The following ADAMTS2 variants were observed in gnomAD, a reference collection of about 807,000 sequenced individuals.
ADAMTS2 encodes ADAM metallopeptidase with thrombospondin type 1 motif 2.
A neutral mutation model predicts 123.0 loss-of-function variants in ADAMTS2; 50 were observed. The observed-to-expected ratio is 0.41, with a 90% CI of 0.32 to 0.51. The LOEUF (loss-of-function observed/expected upper bound fraction) is 0.51, where lower values mean the gene tolerates loss of function less well. Ranked by LOEUF, ADAMTS2 falls within the 20% of genes least tolerant of loss-of-function variation. The pLI is 0.35. For synonymous variants in ADAMTS2, 678 were observed against 695.4 expected, an observed-to-expected ratio of 0.98 and a Z score of 0.39; for missense variants, 1,494 against 1,705.2, an observed-to-expected ratio of 0.88 and a Z score of 2.18.
At chr5:179,160,276 T>C (rs1731640769) in intron 5 of ADAMTS2, among the ~76,000 whole-genome samples, 1 of 152,130 alleles carries the variant, frequency 6.6e-6, no homozygotes, top group South Asian at 2.1e-4. Flanking sequence ...CTGGCCAACA[T>C]GGTGAAACCC....
At chr5:179,205,319 T>C (rs545398856) in intron 4 of ADAMTS2, among the ~76,000 whole-genome samples, 8 of 152,344 alleles carry the variant, frequency 5.3e-5, no homozygotes, top group South Asian at 2.1e-4. Flanking sequence ...AGTGCCACTG[T>C]CATGATAACA....
At chr5:179,326,283 T>C (rs1245565735) in intron 2 of ADAMTS2, among the ~76,000 whole-genome samples, 1 of 150,630 alleles carries the variant, frequency 6.6e-6, no homozygotes, top group Non-Finnish European at 1.5e-5. Flanking sequence ...CGGGAAGAGC[T>C]AGAGGACCCT....
intron 3 of ADAMTS2, among the ~76,000 whole-genome samples, chr5:179,248,057 CAT>C (rs1765844139): frequency 6.6e-6 from 1 of 152,100 alleles, no homozygotes; most frequent in African/African-American, 2.4e-5. Flanking sequence ...AATAGACACA[CAT>C]GTATGAAATG....
rs960223435 is a variant in ADAMTS2 at position 179,185,562 on chromosome 5, C to T, written c.892-4407G>A. Reference sequence around the variant, plus strand: ...TCATCTCAAGAAGGAATCTTGTGTCCTTCTGAACATTGAGCAGATCTAATC... The same window carrying T: ...TCATCTCAAGAAGGAATCTTGTGTCTTTCTGAACATTGAGCAGATCTAATC... On this transcript the variant is annotated intron_variant, in intron 4 of 21. Coordinates refer to ENST00000251582, the MANE Select transcript of ADAMTS2 (RefSeq NM_014244.5). This position sits in a 1 kb window ranked among gnomAD's most constrained non-coding sequence, Gnocchi z 5.9. 2.0e-5 allele frequency among the ~76,000 whole-genome samples: 3 copies of T among 152,152 alleles called. No homozygotes were observed.
rs866882440 is a variant in ADAMTS2 at position 179,343,840 on chromosome 5, C to T, written c.461G>A (p.Ser154Asn). ...GTTRVEPLLG[S>N]CLYVGDVAGL... is the part of the protein sequence containing the mutation. Reference sequence around the variant, plus strand: ...GGCCACGTCTCCGACGTAGAGACAGCTCCCGAGCAGGGGCTCCACGCGGGT... The same window carrying T: ...GGCCACGTCTCCGACGTAGAGACAGTTCCCGAGCAGGGGCTCCACGCGGGT... The change falls in exon 2 of 22, where the codon AGC becomes AAC. Residue 154 changes from serine (S) to asparagine (N), a missense_variant. Physicochemically the swap from Ser to Asn is conservative, Grantham distance 46. Coordinates refer to ENST00000251582, the MANE Select transcript of ADAMTS2 (RefSeq NM_014244.5). 1.8e-5 allele frequency: 29 copies of T among 1,605,624 alleles called. No homozygotes were observed. In the Middle Eastern group the frequency reaches 4.9e-4, roughly 27 times the overall value.
chr5:179,258,197 T>C (rs1003738661), intron 3 of ADAMTS2, among the ~76,000 whole-genome samples: 1 of 152,160 alleles, frequency 6.6e-6, no homozygotes, highest in South Asian at 2.1e-4. Context: ...CCCATGGCTG[T>C]GGGCTCTGAT....
rs535577973 is a variant in ADAMTS2, at chr5:179,294,169, T to C, written c.535-21105A>G. Among the ~76,000 whole-genome samples the C allele has an allele frequency of 2.6e-5, 4 of 152,068 alleles. No homozygotes were observed. In the South Asian group the frequency reaches 8.3e-4, roughly 32 times the overall value. On this transcript the variant is annotated intron_variant, in intron 2 of 21. Coordinates refer to ENST00000251582, the MANE Select transcript of ADAMTS2 (RefSeq NM_014244.5). ...TACTTGGGAGGCTGAGGTGGGAGAA[T>C]CACCTAAACCCTGAAGGTCCAAGCT...
At position 179,230,617 on chromosome 5, in the gene ADAMTS2, C is replaced by T. The variant is rs541300020; in HGVS notation, c.689-22902G>A. Among the ~76,000 whole-genome samples the T allele has an allele frequency of 1.1e-4, 17 of 152,340 alleles. No homozygotes were observed. In the South Asian group the frequency reaches 3.3e-3, roughly 30 times the overall value. ...GGATTTGGCTGGCACCACTGCACTGCGGTGTGTCTGCGTCTATACAGACTT... is the reference window on the plus strand; with the variant it reads ...GGATTTGGCTGGCACCACTGCACTGTGGTGTGTCTGCGTCTATACAGACTT... On this transcript the variant is annotated intron_variant, in intron 3 of 21. Transcript: ENST00000251582.
At chr5:179,145,795 G>A (rs1763240976) in intron 10 of ADAMTS2, among the ~76,000 whole-genome samples, 1 of 152,168 alleles carries the variant, frequency 6.6e-6, no homozygotes. Flanking sequence ...TGTTTGTTGT[G>A]ATGGCTGTAA....
rs1764057395 is a variant in ADAMTS2 at position 179,181,875 on chromosome 5, C to G, written c.892-720G>C. Among the ~76,000 whole-genome samples the G allele has an allele frequency of 6.6e-6, 1 of 152,142 alleles. No individual in the cohort carries two copies. Among genetic ancestry groups the G allele is most frequent in the Admixed American group, 6.5e-5 (1 of 15,272 alleles). ...TGGCACAAAAACAGGGGGGTGAACT[C>G]CCCTTCTACAGAACACAGCCAGCAA... On this transcript the variant is annotated intron_variant, in intron 4 of 21. Coordinates refer to ENST00000251582, the MANE Select transcript of ADAMTS2 (RefSeq NM_014244.5). This position sits in a 1 kb window ranked among gnomAD's most constrained non-coding sequence, Gnocchi z 4.1.
intron 10 of ADAMTS2, among the ~76,000 whole-genome samples, chr5:179,146,776 T>C (rs1763256938): frequency 1.3e-5 from 2 of 152,348 alleles, no homozygotes; most frequent in Admixed American, 1.3e-4. Flanking sequence ...GCTCATTTTC[T>C]ACTACTTTAG....
At chr5:179,248,064 G>A (rs7716112) in intron 3 of ADAMTS2, among the ~76,000 whole-genome samples, 28,751 of 152,130 alleles carry the variant, frequency 0.19, 5,960 homozygotes, top group African/African-American at 0.52. Flanking sequence ...ACACATGTAT[G>A]AAATGTAACA....
rs1762568043 is a variant in ADAMTS2 at position 179,111,553 on chromosome 5, G to C, written c.*2314C>G. On this transcript the variant is annotated 3_prime_UTR_variant, in exon 22 of 22. Coordinates refer to ENST00000251582, the MANE Select transcript of ADAMTS2 (RefSeq NM_014244.5). ...GGCTGTCAGTCCCAGAGGGCACCTT[G>C]CTCCCTTCAGCGGAAGACAGGTGCC... 1 of 152,292 alleles carries C rather than the reference G, an allele frequency of 6.6e-6. No individual in the cohort carries two copies. Among genetic ancestry groups the C allele is most frequent in the Non-Finnish European group, 1.5e-5 (1 of 68,068 alleles). 9.4% of individuals were successfully genotyped at this position (152,292 alleles called of 1,614,324 possible).
At chr5:179,298,317 G>A (rs1047259387) in intron 2 of ADAMTS2, among the ~76,000 whole-genome samples, 7 of 152,192 alleles carry the variant, frequency 4.6e-5, no homozygotes, top group East Asian at 1.9e-4. Flanking sequence ...GGTGTGAAGC[G>A]GGCCTTTGGA....
chr5:179,138,740 A>G (rs1182747889), intron 11 of ADAMTS2, among the ~76,000 whole-genome samples: 1 of 152,180 alleles, frequency 6.6e-6, no homozygotes, highest in African/African-American at 2.4e-5. Flanking sequence ...CGTGCTGCTG[A>G]GGGAGGCTGT....
chr5:179,323,329 C>T (rs774558012), intron 2 of ADAMTS2, among the ~76,000 whole-genome samples: 25 of 152,260 alleles, frequency 1.6e-4, no homozygotes, highest in Non-Finnish European at 3.1e-4. Context: ...CTGGGCCCCC[C>T]ACCCTCCAGC....
At position 179,254,425 on chromosome 5, in the gene ADAMTS2, C is replaced by G. The variant is rs183970554; in HGVS notation, c.688+18486G>C. Among the ~76,000 whole-genome samples the G allele has an allele frequency of 1.1e-3, 165 of 152,258 alleles. 1 individual carries two copies. The highest frequency in any genetic ancestry group is 0.01 in the Admixed American group (156 of 15,300). ...GACTGCTCTGGGTGCAGGGTTCCCA[C>G]TGGGGTGATGAAAACATTTTGGAAC... is the stretch of plus-strand genomic sequence containing the variant. On this transcript the variant is annotated intron_variant, in intron 3 of 21. Transcript: ENST00000251582.
chr5:179,178,277 C>T (rs1391365553), intron 5 of ADAMTS2, among the ~76,000 whole-genome samples: 2 of 152,136 alleles, frequency 1.3e-5, no homozygotes, highest in African/African-American at 2.4e-5. Flanking sequence ...CGCACCTCCC[C>T]GCCTGTGAAT....
Position 179,115,595 on chromosome 5 carries a change from GAAGGAAGGAGGGAGAGGGTGA to G in ADAMTS2, c.3179-1292_3179-1272del, listed in dbSNP as rs1249323933. On this transcript the variant is annotated intron_variant, in intron 21 of 21. Coordinates refer to ENST00000251582, the MANE Select transcript of ADAMTS2 (RefSeq NM_014244.5). This position sits in a 1 kb window ranked among gnomAD's most constrained non-coding sequence, Gnocchi z 4.4. Reference sequence around the variant, plus strand: ...AGTTGAACTCATCTACTATTGAAAGGAAGGAAGGAGGGAGAGGGTGAAAGGAAGGAGGAACTGAAGGAAGGA... The same window carrying G: ...AGTTGAACTCATCTACTATTGAAAGGAAGGAAGGAGGAACTGAAGGAAGGA... Among the ~76,000 whole-genome samples the G allele has an allele frequency of 6.6e-6, 1 of 152,010 alleles. No homozygotes were observed. The highest frequency in any genetic ancestry group is 2.1e-4 in the South Asian group (1 of 4,816).
Sources: allele counts gnomAD v4.1 joint callset (sites outside exome capture counted in the v4.1 genomes callset), GRCh38; gene constraint gnomAD v4.1.1; non-coding constraint Gnocchi (gnomAD v3.1); transcripts MANE v1.5; gene names NCBI Gene and HGNC (gene_info 2026-07-23, HGNC 2026-07-21).